The following NDC80 variants were observed in gnomAD, a reference collection of about 807,000 sequenced individuals.
NDC80 encodes kinetochore protein NDC80 homolog.
Under a neutral mutation model 89.3 loss-of-function variants are expected in NDC80, and 69 were observed. The ratio of observed to expected loss-of-function variants is 0.77; its 90% CI spans 0.64 to 0.94. The LOEUF is 0.94. Ranked by LOEUF, NDC80 falls within the 40% of genes least tolerant of loss-of-function variation. NDC80 has a pLI of 0.00. For missense variants in NDC80, 593 were observed against 739.6 expected (o/e 0.80, Z 2.30); for synonymous variants, 243 against 255.6 (o/e 0.95, Z 0.47).
intron 3 of NDC80, among the ~76,000 whole-genome samples, chr18:2,576,544 T>C (rs1195060026): frequency 6.6e-6 from 1 of 152,200 alleles, no homozygotes; most frequent in African/African-American, 2.4e-5. Context: ...CTTAGTTTTA[T>C]CATAAAAATA....
rs749167623 is a variant in NDC80, at chr18:2,610,877, T to C, written c.1791+16T>C. On this transcript the variant is annotated intron_variant, in intron 16 of 16. Transcript: ENST00000261597. Reference sequence around the variant, plus strand: ...GTCTGTAGAGGTAAGTATGTGATGGTCTTTCCTACGTTCTAAGAAAGGTTT... The same window carrying C: ...GTCTGTAGAGGTAAGTATGTGATGGCCTTTCCTACGTTCTAAGAAAGGTTT... 1.3e-5 allele frequency: 19 copies of C among 1,413,924 alleles called. No homozygotes were observed. Among genetic ancestry groups the C allele is most frequent in the Non-Finnish European group, 1.8e-5 (19 of 1,044,638 alleles). 87.6% of individuals were successfully genotyped at this position (1,413,924 alleles called of 1,614,324 possible). A position where few individuals can be genotyped will look rare whatever the true frequency, so the allele number is the denominator to read the frequency against.
chr18:2,615,259 T>A (rs1196048162), intron 16 of NDC80: 2 of 152,200 alleles, frequency 1.3e-5, no homozygotes, highest in Non-Finnish European at 2.9e-5. Flanking sequence ...TGTAACAAAT[T>A]ACCACCAACC....
intron 7 of NDC80, 103 bp downstream of exon 7, chr18:2,585,305 A>C: frequency 1.2e-6 from 1 of 822,456 alleles, no homozygotes; most frequent in Non-Finnish European, 1.9e-6. Context: ...AGAGTAATAA[A>C]CCGACTGTAA....
chr18:2,608,337 C>T (rs2072725946), intron 14 of NDC80, among the ~76,000 whole-genome samples: 2 of 151,850 alleles, frequency 1.3e-5, no homozygotes, highest in African/African-American at 4.8e-5. Context: ...TCATGAGTAA[C>T]TGGGATTACA....
At chr18:2,573,605 A>G (rs954771925) in intron 2 of NDC80, among the ~76,000 whole-genome samples, 2 of 152,236 alleles carry the variant, frequency 1.3e-5, no homozygotes, top group Non-Finnish European at 2.9e-5. Context: ...ATGAGTGATT[A>G]TCTTCCAGAT....
At chr18:2,602,799 T>C (rs565158733) in intron 13 of NDC80, among the ~76,000 whole-genome samples, 2 of 152,198 alleles carry the variant, frequency 1.3e-5, no homozygotes, top group African/African-American at 2.4e-5. Flanking sequence ...GATTTTTAGG[T>C]TTACAAAACC....
At chr18:2,599,278 A>G in intron 12 of NDC80, 107 bp downstream of exon 12, 2 of 798,346 alleles carry the variant, frequency 2.5e-6, no homozygotes, top group Middle Eastern at 3.7e-4. Context: ...AAGGAATAAA[A>G]CACTGAAACT....
At chr18:2,579,067 A>T in intron 6 of NDC80, 38 bp downstream of exon 6, 1 of 1,298,472 alleles carries the variant, frequency 7.7e-7, no homozygotes, top group Non-Finnish European at 1.0e-6. Flanking sequence ...TACATGGGAA[A>T]GGGTTTTTTT....
Position 2,587,849 on chromosome 18 carries a change from T to C in NDC80, c.689T>C (p.Ile230Thr). Residue 230 changes from isoleucine to threonine, a missense_variant, in exon 8 of 17, where the codon ATA (isoleucine) becomes ACA (threonine). Ile to Thr is a moderately conservative substitution (Grantham distance 89). Coordinates refer to ENST00000261597, the MANE Select transcript of NDC80 (RefSeq NM_006101.3). ...CCATAGTTGTTTTTGGACTACACCATAAAATGCTATGAGAGTTTTATGAGT... is the reference window on the plus strand; with the variant it reads ...CCATAGTTGTTTTTGGACTACACCACAAAATGCTATGAGAGTTTTATGAGT... ...MHNKLFLDYT[I>T]KCYESFMSGA... 1.2e-6 allele frequency: 2 copies of C among 1,613,538 alleles called. No individual in the cohort carries two copies. Among genetic ancestry groups the C allele is most frequent in the African/African-American group, 1.3e-5 (1 of 75,044 alleles).
chr18:2,594,066 C>A (rs565156956), intron 10 of NDC80: 77 of 161,638 alleles, frequency 4.8e-4, no homozygotes, highest in Middle Eastern at 3.0e-3. Context: ...CCATGCCCAG[C>A]TAATTTAGTA....
chr18:2,611,467 T>C (rs2072744116), intron 16 of NDC80, among the ~76,000 whole-genome samples: 3 of 152,240 alleles, frequency 2.0e-5, no homozygotes, highest in Admixed American at 2.0e-4. Flanking sequence ...ACTGAAAACA[T>C]ATTAGTACAT....
In NDC80 at chr18:2,578,930, T is replaced by A; in HGVS notation, c.480T>A (p.Tyr160Ter). The A allele has an allele frequency of 6.8e-7, 1 of 1,477,746 alleles. No individual in the cohort carries two copies. Among genetic ancestry groups the A allele is most frequent in the Non-Finnish European group, 9.0e-7 (1 of 1,107,542 alleles). The allele number at this position is 1,477,746 out of a possible 1,614,324, so 91.5% of individuals were successfully genotyped here. Residue 160 changes from tyrosine (Y) to a stop codon, truncating the protein, a stop_gained, in exon 6 of 17, where the codon TAT (tyrosine) becomes TAA (stop). Transcript: ENST00000261597. LOFTEE classifies it high-confidence loss of function. ...ATGTTTTTCTGATTTCTCATAGGTATCCTTTTGCACTATCCAAAAGCTCCA... is the reference window on the plus strand; with the variant it reads ...ATGTTTTTCTGATTTCTCATAGGTAACCTTTTGCACTATCCAAAAGCTCCA... ...EVPRIFKDLG[Y>*]PFALSKSSMY...
intron 16 of NDC80, chr18:2,614,834 T>A (rs2072776243): frequency 1.3e-5 from 2 of 152,826 alleles, no homozygotes. Flanking sequence ...CAAATGCGGT[T>A]GGTTAAGATG....
intron 12 of NDC80, among the ~76,000 whole-genome samples, chr18:2,600,524 G>T (rs184758639): frequency 2.6e-5 from 4 of 151,756 alleles, no homozygotes; most frequent in African/African-American, 4.8e-5. Flanking sequence ...CAGAGGAATC[G>T]CTTGAACCCG....
rs906709866 is a variant in NDC80 at position 2,575,017 on chromosome 18, A to T, written c.130A>T (p.Ser44Cys). 6.2e-7 allele frequency: 1 copy of T among 1,611,196 alleles called. No homozygotes were observed. ...AGAGAAACCAACCTTTGGAAAGTTGAGTATAAACAAACCGACATCTGAAAG... is the reference window on the plus strand; with the variant it reads ...AGAGAAACCAACCTTTGGAAAGTTGTGTATAAACAAACCGACATCTGAAAG... ...TKEKPTFGKL[S>C]INKPTSERKV... Residue 44 changes from serine to cysteine, a missense_variant, in exon 3 of 17, where the codon AGT becomes TGT. Ser to Cys is a moderately radical substitution (Grantham distance 112). Coordinates refer to ENST00000261597, the MANE Select transcript of NDC80 (RefSeq NM_006101.3).
intron 6 of NDC80, among the ~76,000 whole-genome samples, chr18:2,580,301 T>G (rs2072569877): frequency 6.6e-6 from 1 of 152,098 alleles, no homozygotes; most frequent in Non-Finnish European, 1.5e-5. Flanking sequence ...AATTAGTTCC[T>G]CTCTATATGG....
In NDC80 at chr18:2,610,337, G is replaced by A. The variant is rs1027697948; in HGVS notation, c.1689-422G>A. Among the ~76,000 whole-genome samples the A allele has an allele frequency of 3.9e-5, 6 of 151,986 alleles. No homozygotes were observed. In the East Asian group the frequency reaches 9.6e-4, roughly 24 times the overall value. On this transcript the variant is annotated intron_variant, in intron 15 of 16. Transcript: ENST00000261597. Reference sequence around the variant, plus strand: ...GTCATTTCTCTTCACTTCTTTATTTGTAGGCCAAGGGGAGAAAACTCAGTT... The same window carrying A: ...GTCATTTCTCTTCACTTCTTTATTTATAGGCCAAGGGGAGAAAACTCAGTT...
Position 2,585,110 on chromosome 18 carries a change from T to C in NDC80, c.580-3T>C, listed in dbSNP as rs1399718235. ...TTGCTTTTCTTGCTTGTGTACTAAT[T>C]AGATACATACTGCCATGAAAGAAAG... is the stretch of plus-strand genomic sequence containing the variant. On this transcript the variant is annotated splice_region_variant and splice_polypyrimidine_tract_variant and intron_variant, in intron 6 of 16. Coordinates refer to ENST00000261597, the MANE Select transcript of NDC80 (RefSeq NM_006101.3). 6.2e-7 allele frequency: 1 copy of C among 1,611,020 alleles called. No individual in the cohort carries two copies. Among genetic ancestry groups the C allele is most frequent in the Non-Finnish European group, 8.5e-7 (1 of 1,177,586 alleles).
intron 11 of NDC80, among the ~76,000 whole-genome samples, chr18:2,596,055 C>A (rs369691026): frequency 2.6e-5 from 4 of 152,088 alleles, no homozygotes; most frequent in African/African-American, 4.8e-5. Context: ...GCATTTACTC[C>A]CATGAAATGA....
Sources: gnomAD v4.1 joint callset for allele counts (sites outside exome capture counted in the v4.1 genomes callset) on GRCh38, gnomAD v4.1.1 for gene constraint, MANE v1.5 for transcripts, NCBI Gene and HGNC (gene_info 2026-07-23, HGNC 2026-07-21) for gene names.